RNLS: variants seen among roughly 807,000 people sequenced by gnomAD.
The protein encoded by RNLS is renalase.
Under a neutral mutation model 39.8 loss-of-function variants are expected in RNLS, and 39 were observed. The observed-to-expected ratio is 0.98, with a 90% confidence interval of 0.76 to 1.28. The LOEUF (loss-of-function observed/expected upper bound fraction) is 1.28. RNLS is among the 50% of genes most tolerant of loss of function. The pLI, the probability that RNLS is intolerant of heterozygous loss-of-function variation, is 0.00. For synonymous variants in RNLS, 147 were observed against 150.7 expected (o/e 0.98, Z 0.18); for missense variants, 410 against 413.3 (o/e 0.99, Z 0.07).
intron 4 of RNLS, among the ~76,000 whole-genome samples, chr10:88,427,390 T>TA (rs1854849050): frequency 6.6e-6 from 1 of 152,058 alleles, no homozygotes; most frequent in Non-Finnish European, 1.5e-5. Flanking sequence ...AGATTTTGGA[T>TA]AATCCATGTC....
intron 4 of RNLS, among the ~76,000 whole-genome samples, chr10:88,423,520 A>C (rs892414380): frequency 6.6e-6 from 1 of 152,214 alleles, no homozygotes; most frequent in Non-Finnish European, 1.5e-5. Context: ...CTGAACAAGG[A>C]GTGTGGTGCT....
chr10:88,413,296 CTTTCA>C (rs1178752186), intron 4 of RNLS, among the ~76,000 whole-genome samples: 1 of 152,178 alleles, frequency 6.6e-6, no homozygotes, highest in Non-Finnish European at 1.5e-5. Context: ...CCTGAAGCTT[CTTTCA>C]TTTATCACAT....
At chr10:88,451,218 C>T (rs564201608) in intron 4 of RNLS, among the ~76,000 whole-genome samples, 75 of 152,248 alleles carry the variant, frequency 4.9e-4, no homozygotes, top group African/African-American at 1.7e-3. Flanking sequence ...GATAATCTAC[C>T]TCCCAAATGG....
At position 88,314,619 on chromosome 10, in the gene RNLS, G is replaced by A. The variant is rs759017135; in HGVS notation, c.723C>T (p.Ser241=). ...ATGGGACAGTGGTGTGAATCACGAGGGAAGGCCCAATTTCTGATGACTCTG... is the reference window on the plus strand; with the variant it reads ...ATGGGACAGTGGTGTGAATCACGAGAGAAGGCCCAATTTCTGATGACTCTG... ...RNIESSEIGP[S]LVIHTTVPFG... is the part of the protein sequence containing the mutation. Residue 241 remains serine (S), a synonymous_variant, in exon 6 of 7, where the codon TCC becomes TCT. Transcript: ENST00000331772. The A allele has an allele frequency of 4.3e-6, 7 of 1,613,182 alleles. No individual in the cohort carries two copies. The East Asian group carries it at 1.3e-4, about 31-fold the overall frequency.
At chr10:88,375,499 A>C (rs955044485) in intron 4 of RNLS, among the ~76,000 whole-genome samples, 2 of 152,160 alleles carry the variant, frequency 1.3e-5, no homozygotes, top group African/African-American at 4.8e-5. Context: ...CTATTGTATC[A>C]ATGATAAACT....
intron 6 of RNLS, among the ~76,000 whole-genome samples, chr10:88,293,069 A>C (rs1843790375): frequency 6.6e-6 from 1 of 152,034 alleles, no homozygotes; most frequent in African/African-American, 2.4e-5. Context: ...CAAGAAACAA[A>C]AAAAAAATTT....
chr10:88,450,011 T>C (rs1469712952), intron 4 of RNLS, among the ~76,000 whole-genome samples: 3 of 151,938 alleles, frequency 2.0e-5, no homozygotes, highest in Non-Finnish European at 1.5e-5. Context: ...GAGCTCTTGA[T>C]TTGTAAGAGC....
intron 1 of RNLS, 145 bp downstream of exon 1, chr10:88,582,928 G>C: frequency 1.1e-6 from 1 of 923,080 alleles, no homozygotes; most frequent in African/African-American, 1.7e-5. Context: ...CGCGCCACTC[G>C]GCGCATGGGC....
chr10:88,206,914 C>G, the RNLS span, among the ~76,000 whole-genome samples: 2 of 152,082 alleles, frequency 1.3e-5, no homozygotes, highest in Non-Finnish European at 2.9e-5. Context: ...GACTCTTTAG[C>G]CTTGCCTGAT....
chr10:88,396,949 T>C (rs1459767405), intron 4 of RNLS, among the ~76,000 whole-genome samples: 2 of 151,890 alleles, frequency 1.3e-5, no homozygotes, highest in African/African-American at 4.8e-5. Flanking sequence ...TACACAAATG[T>C]GCACCAAACA....
At chr10:88,556,405 A>T (rs554830064) in intron 4 of RNLS, among the ~76,000 whole-genome samples, 1 of 152,286 alleles carries the variant, frequency 6.6e-6, no homozygotes, top group South Asian at 2.1e-4. Flanking sequence ...TGACAACATC[A>T]GTTCATCTGG....
chr10:88,174,447 T>G, the RNLS span, among the ~76,000 whole-genome samples: 2 of 152,216 alleles, frequency 1.3e-5, no homozygotes, highest in African/African-American at 4.8e-5. Flanking sequence ...TATACCAATT[T>G]GTTGAGAGTT....
chr10:88,435,437 A>G (rs1230546286), intron 4 of RNLS, among the ~76,000 whole-genome samples: 2 of 152,154 alleles, frequency 1.3e-5, no homozygotes, highest in Non-Finnish European at 2.9e-5. Flanking sequence ...ATTTGGGGGT[A>G]AACCAAAAAC....
At chr10:88,343,595 G>T in intron 5 of RNLS, 2 of 985,240 alleles carry the variant, frequency 2.0e-6, no homozygotes, top group Non-Finnish European at 2.4e-6. Flanking sequence ...CCAGGGCTGG[G>T]ATAATTTTCC....
intron 4 of RNLS, among the ~76,000 whole-genome samples, chr10:88,365,999 A>T (rs905805966): frequency 8.5e-5 from 13 of 152,128 alleles, no homozygotes; most frequent in African/African-American, 2.7e-4. Flanking sequence ...CCATCCATCC[A>T]TTATGCCATG....
chr10:88,438,759 A>C (rs1841551678), intron 4 of RNLS, among the ~76,000 whole-genome samples: 1 of 152,234 alleles, frequency 6.6e-6, no homozygotes, highest in African/African-American at 2.4e-5. Flanking sequence ...AGTCTACTGG[A>C]AACTTTGGTT....
chr10:88,485,056 T>C (rs1844410329), intron 4 of RNLS, among the ~76,000 whole-genome samples: 1 of 151,972 alleles, frequency 6.6e-6, no homozygotes, highest in Non-Finnish European at 1.5e-5. Context: ...CAAATTTATC[T>C]ACACTGTCAA....
chr10:88,253,253 A>C, the RNLS span, among the ~76,000 whole-genome samples: 1 of 152,206 alleles, frequency 6.6e-6, no homozygotes, highest in Non-Finnish European at 1.5e-5. Flanking sequence ...TTAAGCTCTC[A>C]CAATGCTCAC....
chr10:88,359,756 G>T (rs1849491198), intron 5 of RNLS, among the ~76,000 whole-genome samples: 1 of 152,030 alleles, frequency 6.6e-6, no homozygotes, highest in Non-Finnish European at 1.5e-5. Context: ...ATTTTATGTT[G>T]TACTCTTTCA....
Sources: allele counts gnomAD v4.1 joint callset (sites outside exome capture counted in the v4.1 genomes callset), GRCh38; gene constraint gnomAD v4.1.1; transcripts MANE v1.5; gene names NCBI Gene and HGNC (gene_info 2026-07-23, HGNC 2026-07-21).